RSU1: variants seen among roughly 807,000 people sequenced by gnomAD.
RSU1 encodes Ras suppressor protein 1, also known as rsu-1.
In RSU1, 26 loss-of-function variants were observed where a neutral mutation model predicts 31.1. The ratio of observed to expected loss-of-function variants is 0.84; its 90% CI spans 0.61 to 1.16. The LOEUF is 1.16. Among genes scored for constraint, RSU1 ranks in the 50% most tolerant of loss-of-function variants. RSU1 has a pLI of 0.00. For missense variants in RSU1, 320 were observed against 339.1 expected (o/e 0.94, Z 0.44); for synonymous variants, 164 against 136.3 (o/e 1.20, Z -1.41).
chr10:16,770,494 A>G (rs1256002184), intron 3 of RSU1, among the ~76,000 whole-genome samples: 1 of 152,038 alleles, frequency 6.6e-6, no homozygotes, highest in Non-Finnish European at 1.5e-5. Flanking sequence ...ACCTCCACCC[A>G]CCATCTCCAC....
chr10:16,696,275 T>G (rs1835675111), intron 7 of RSU1, among the ~76,000 whole-genome samples: 1 of 152,232 alleles, frequency 6.6e-6, no homozygotes, highest in Non-Finnish European at 1.5e-5. Flanking sequence ...ACTGCCTATG[T>G]TTTCATAGAT....
At chr10:16,722,915 T>C (rs910921500) in intron 7 of RSU1, among the ~76,000 whole-genome samples, 1 of 148,076 alleles carries the variant, frequency 6.8e-6, no homozygotes, top group Non-Finnish European at 1.5e-5. Flanking sequence ...CACATATACA[T>C]ATATGTATAT....
At chr10:16,773,810 G>C (rs147131373) in intron 3 of RSU1, among the ~76,000 whole-genome samples, 1,825 of 152,254 alleles carry the variant, frequency 0.012, 11 homozygotes, top group Non-Finnish European at 0.019. Flanking sequence ...GCTTCACAGA[G>C]AAAGATGAGC....
chr10:16,722,770 C>G (rs1307158166), intron 7 of RSU1, among the ~76,000 whole-genome samples: 1 of 151,482 alleles, frequency 6.6e-6, no homozygotes, highest in Non-Finnish European at 1.5e-5. Flanking sequence ...ATGTGTATAT[C>G]TGTATATATG....
intron 2 of RSU1, among the ~76,000 whole-genome samples, chr10:16,791,103 T>G (rs1450028719): frequency 1.3e-5 from 2 of 152,114 alleles, no homozygotes; most frequent in African/African-American, 2.4e-5. Flanking sequence ...CTTGGCTCAC[T>G]GTAACCTCCA....
intron 4 of RSU1, among the ~76,000 whole-genome samples, chr10:16,755,225 C>T (rs1055485930): frequency 3.2e-4 from 48 of 152,034 alleles, no homozygotes; most frequent in Admixed American, 2.7e-3. Context: ...CAGGCTCAAG[C>T]GATCCTTCCA....
At chr10:16,801,866 T>C (rs559091777) in intron 2 of RSU1, among the ~76,000 whole-genome samples, 1 of 152,056 alleles carries the variant, frequency 6.6e-6, no homozygotes, top group Admixed American at 6.6e-5. Flanking sequence ...ATTTGTGAAC[T>C]GCAGCAAAAT....
chr10:16,608,761 C>T (rs1424880259), intron 8 of RSU1, among the ~76,000 whole-genome samples: 6 of 151,716 alleles, frequency 4.0e-5, no homozygotes, highest in African/African-American at 1.5e-4. Context: ...AAAAAAAAAT[C>T]CTGAAAAAGA....
In RSU1 at chr10:16,593,214, A is replaced by G. The variant is rs1833541211; in HGVS notation, c.*180T>C. ...ATGGAAATGGTTTAAAGACCTTATA[A>G]CAATCTCCCACCTAGCAAAAGAATC... is the stretch of plus-strand genomic sequence containing the variant. On this transcript the variant is annotated 3_prime_UTR_variant, in exon 9 of 9. Coordinates refer to ENST00000345264, the MANE Select transcript of RSU1 (RefSeq NM_012425.4). The G allele has an allele frequency of 8.2e-7, 1 of 1,219,110 alleles. No individual in the cohort carries two copies. The highest frequency in any genetic ancestry group is 2.9e-4 in the Middle Eastern group (1 of 3,448). The allele number at this position is 1,219,110 out of a possible 1,614,324, so 75.5% of individuals were successfully genotyped here.
At chr10:16,645,538 G>T (rs1834521317) in intron 8 of RSU1, among the ~76,000 whole-genome samples, 1 of 152,032 alleles carries the variant, frequency 6.6e-6, no homozygotes. Flanking sequence ...GCTGGGTGCG[G>T]TGGCTCACGC....
chr10:16,775,225 ATT>A (rs1837503167), intron 3 of RSU1, among the ~76,000 whole-genome samples: 3 of 143,282 alleles, frequency 2.1e-5, no homozygotes, highest in Non-Finnish European at 4.6e-5. Flanking sequence ...TATTAAATCA[ATT>A]CTGTTTGATA....
intron 4 of RSU1, among the ~76,000 whole-genome samples, chr10:16,758,394 G>A (rs1371799805): frequency 6.6e-6 from 1 of 152,120 alleles, no homozygotes; most frequent in Non-Finnish European, 1.5e-5. Flanking sequence ...TCCACATTTT[G>A]ACACATAGGA....
chr10:16,612,648 AT>A (rs1833912367), intron 8 of RSU1, among the ~76,000 whole-genome samples: 2 of 152,320 alleles, frequency 1.3e-5, no homozygotes, highest in South Asian at 4.1e-4. Flanking sequence ...ATGAACACTG[AT>A]CATAAGTTAA....
intron 7 of RSU1, among the ~76,000 whole-genome samples, chr10:16,741,910 C>G (rs1381986314): frequency 2.0e-5 from 3 of 152,068 alleles, no homozygotes; most frequent in African/African-American, 7.2e-5. Context: ...TTCTTTCTTT[C>G]AAAGATTTTC....
intron 2 of RSU1, among the ~76,000 whole-genome samples, chr10:16,803,572 A>G (rs180843979): frequency 1.3e-5 from 2 of 152,198 alleles, no homozygotes; most frequent in East Asian, 3.8e-4. Context: ...ACACTGACCA[A>G]CTTCAAAACT....
chr10:16,694,641 A>C (rs1835635918), intron 8 of RSU1, among the ~76,000 whole-genome samples: 1 of 152,040 alleles, frequency 6.6e-6, no homozygotes, highest in Non-Finnish European at 1.5e-5. Context: ...CATGACCACG[A>C]CTCTGTGCAG....
chr10:16,640,966 T>A (rs1187025461), intron 8 of RSU1, among the ~76,000 whole-genome samples: 1 of 152,226 alleles, frequency 6.6e-6, no homozygotes, highest in Non-Finnish European at 1.5e-5. Context: ...GCATTATTAT[T>A]AGGGAAGAAG....
chr10:16,753,409 G>A (rs1837018964), intron 5 of RSU1, among the ~76,000 whole-genome samples: 1 of 152,196 alleles, frequency 6.6e-6, no homozygotes, highest in African/African-American at 2.4e-5. Flanking sequence ...TCTTTCAAGA[G>A]AATACAGCTC....
intron 2 of RSU1, among the ~76,000 whole-genome samples, chr10:16,807,130 T>C (rs1344700930): frequency 1.3e-5 from 2 of 152,200 alleles, no homozygotes; most frequent in African/African-American, 4.8e-5. Flanking sequence ...TAGACCACCA[T>C]TCAAACACTG....
Sources: allele counts gnomAD v4.1 joint callset (sites outside exome capture counted in the v4.1 genomes callset), GRCh38; gene constraint gnomAD v4.1.1; transcripts MANE v1.5; gene names NCBI Gene and HGNC (gene_info 2026-07-23, HGNC 2026-07-21).